Variants in CPEB3 observed in about 807,000 individuals in gnomAD.
The protein encoded by CPEB3 is cytoplasmic polyadenylation element-binding protein 3.
A neutral mutation model predicts 67.2 loss-of-function variants in CPEB3; 20 were observed. That is an observed-to-expected ratio of 0.30 (90% confidence interval 0.21 to 0.43). The LOEUF (loss-of-function observed/expected upper bound fraction) is 0.43. Ranked by LOEUF, CPEB3 falls within the 20% of genes least tolerant of loss-of-function variation. The pLI is 1.00. For missense variants in CPEB3, 746 were observed against 968.6 expected, an observed-to-expected ratio of 0.77 and a Z score of 3.05; for synonymous variants, 376 against 393.1, an observed-to-expected ratio of 0.96 and a Z score of 0.51.
At chr10:92,155,903 T>C (rs2133915641) in intron 4 of CPEB3, among the ~76,000 whole-genome samples, 1 of 152,302 alleles carries the variant, frequency 6.6e-6, no homozygotes, top group South Asian at 2.1e-4. Flanking sequence ...GGCGACTTTA[T>C]ATTCTTGATG....
chr10:92,055,138 A>C (rs961252805), intron 9 of CPEB3, among the ~76,000 whole-genome samples: 1 of 152,256 alleles, frequency 6.6e-6, no homozygotes, highest in Admixed American at 6.5e-5. Context: ...CTTAACAAAC[A>C]TATGTAAGGT....
intron 9 of CPEB3, among the ~76,000 whole-genome samples, chr10:92,057,092 A>G (rs543694632): frequency 1.3e-5 from 2 of 152,256 alleles, no homozygotes; most frequent in African/African-American, 4.8e-5. Context: ...ACCTTGGGTG[A>G]GCCTCTGAGA....
chr10:92,155,540 T>G (rs1847167131), intron 4 of CPEB3, among the ~76,000 whole-genome samples: 1 of 152,232 alleles, frequency 6.6e-6, no homozygotes, highest in Non-Finnish European at 1.5e-5. Flanking sequence ...ATCATTACAT[T>G]TAAGGAAGAT....
intron 9 of CPEB3, among the ~76,000 whole-genome samples, chr10:92,062,043 A>G (rs1336026969): frequency 3.3e-5 from 5 of 152,138 alleles, no homozygotes; most frequent in Non-Finnish European, 7.3e-5. Flanking sequence ...GGAGTTTGAG[A>G]CCAGTCTGGT....
At chr10:92,141,482 G>A (rs1257664982) in intron 6 of CPEB3, among the ~76,000 whole-genome samples, 2 of 151,082 alleles carry the variant, frequency 1.3e-5, no homozygotes, top group African/African-American at 4.9e-5. Flanking sequence ...GGACTGTTGT[G>A]GGGTGGGGGG....
chr10:92,048,046 A>C lies in CPEB3; in HGVS notation c.*4166T>G, dbSNP rs1246665306. On this transcript the variant is annotated 3_prime_UTR_variant, in exon 10 of 10. Transcript: ENST00000265997. The surrounding 1 kb of genome is among the most constrained non-coding windows in gnomAD (Gnocchi z 4.1). The stretch of plus-strand genomic sequence containing the variant: ...AGAAAGGCAGACAGATCATGCACGC[A>C]GTTGCCACAATGAAAGGCAAGGGGC... 1 of 152,420 alleles carries C rather than the reference A, an allele frequency of 6.6e-6. No individual in the cohort carries two copies. The highest frequency in any genetic ancestry group is 1.5e-5 in the Non-Finnish European group (1 of 68,172). 9.4% of individuals were successfully genotyped at this position (152,420 alleles called of 1,614,324 possible). A position where few individuals can be genotyped will look rare whatever the true frequency, so the allele number is the denominator to read the frequency against.
At chr10:92,152,853 T>C (rs1847026934) in intron 4 of CPEB3, among the ~76,000 whole-genome samples, 1 of 152,138 alleles carries the variant, frequency 6.6e-6, no homozygotes, top group Non-Finnish European at 1.5e-5. Flanking sequence ...CCTACAAGAG[T>C]GACCACTGAA....
At chr10:92,223,567 C>CTTTTTTTTTT (rs903904452) in intron 2 of CPEB3, among the ~76,000 whole-genome samples, 3 of 84,146 alleles carry the variant, frequency 3.6e-5, no homozygotes, top group South Asian at 4.2e-4. Flanking sequence ...CTAATTATTT[C>CTTTTTTTTTT]TTTTTTTTTT....
intron 4 of CPEB3, among the ~76,000 whole-genome samples, chr10:92,159,445 G>A (rs1423010233): frequency 1.3e-5 from 2 of 152,060 alleles, no homozygotes; most frequent in Admixed American, 1.3e-4. Context: ...GCCAAGGTGG[G>A]CAGATCATCT....
intron 2 of CPEB3, among the ~76,000 whole-genome samples, chr10:92,204,509 G>A (rs143161741): frequency 0.014 from 2,204 of 152,088 alleles, 56 homozygotes; most frequent in African/African-American, 0.05. Context: ...TCACTCCCTG[G>A]CCATCACTGG....
intron 2 of CPEB3, among the ~76,000 whole-genome samples, chr10:92,199,176 G>GCA (rs1241305099): frequency 2.0e-5 from 3 of 152,072 alleles, no homozygotes; most frequent in Non-Finnish European, 4.4e-5. Flanking sequence ...CGGATCACCT[G>GCA]AGGTCGGGAG....
chr10:92,289,777 G>T (rs1208708524), intron 1 of CPEB3, among the ~76,000 whole-genome samples: 8 of 94,370 alleles, frequency 8.5e-5, no homozygotes, highest in Non-Finnish European at 8.9e-5. Flanking sequence ...TATTATAAAT[G>T]TATATATGTA....
At chr10:92,191,775 T>C (rs1291183986) in intron 3 of CPEB3, among the ~76,000 whole-genome samples, 1 of 152,198 alleles carries the variant, frequency 6.6e-6, no homozygotes, top group East Asian at 1.9e-4. Flanking sequence ...TTTTTAAATA[T>C]CTTAAGGTAT....
intron 2 of CPEB3, among the ~76,000 whole-genome samples, chr10:92,227,768 T>A (rs1389139349): frequency 6.6e-6 from 1 of 152,152 alleles, no homozygotes; most frequent in Non-Finnish European, 1.5e-5. Flanking sequence ...ATTTTTTGTA[T>A]TTTTAGTAGA....
intron 6 of CPEB3, among the ~76,000 whole-genome samples, chr10:92,114,906 A>C (rs944238497): frequency 5.3e-5 from 8 of 152,240 alleles, no homozygotes; most frequent in African/African-American, 1.4e-4. Flanking sequence ...CTTTTACTGC[A>C]TTTTCAATTA....
intron 3 of CPEB3, among the ~76,000 whole-genome samples, chr10:92,181,997 G>GAA (rs536475110): frequency 1.3e-4 from 18 of 143,712 alleles, no homozygotes; most frequent in African/African-American, 4.6e-4. Context: ...AGTCTTATAT[G>GAA]AAAAAAAAAA....
chr10:92,197,796 G>A (rs1029810394), intron 2 of CPEB3, among the ~76,000 whole-genome samples: 9 of 152,136 alleles, frequency 5.9e-5, no homozygotes, highest in African/African-American at 1.4e-4. Flanking sequence ...TAAGTAGGTA[G>A]CTTTTGTCCC....
chr10:92,238,307 C>G (rs1851638254), intron 2 of CPEB3, among the ~76,000 whole-genome samples: 1 of 152,164 alleles, frequency 6.6e-6, no homozygotes. Context: ...ACCCAAGATG[C>G]CCAGGACACT....
At chr10:92,134,960 T>A (rs970291792) in intron 6 of CPEB3, among the ~76,000 whole-genome samples, 1 of 152,102 alleles carries the variant, frequency 6.6e-6, no homozygotes, top group African/African-American at 2.4e-5. Context: ...TGGCTAGCCA[T>A]ATGTAGAAAG....
Sources: allele counts gnomAD v4.1 joint callset (sites outside exome capture counted in the v4.1 genomes callset), GRCh38; gene constraint gnomAD v4.1.1; non-coding constraint Gnocchi (gnomAD v3.1); transcripts MANE v1.5; gene names NCBI Gene and HGNC (gene_info 2026-07-23, HGNC 2026-07-21).